ACYP2: variants seen among roughly 807,000 people sequenced by gnomAD.
ACYP2 encodes the protein acylphosphatase 2.
Under a neutral mutation model 11.2 loss-of-function variants are expected in ACYP2, and 12 were observed. That is an observed-to-expected ratio of 1.08 (90% confidence interval 0.69 to 1.74). The LOEUF is 1.74. Among genes scored for constraint, ACYP2 ranks in the 40% most tolerant of loss-of-function variants. The pLI is 0.00. For missense variants in ACYP2, 134 were observed against 101.9 expected (o/e 1.31, Z -1.35); for synonymous variants, 43 against 32.2 (o/e 1.33, Z -1.13).
intron 4 of ACYP2, among the ~76,000 whole-genome samples, chr2:54,064,380 G>A (rs1280311207): frequency 6.6e-6 from 1 of 152,200 alleles, no homozygotes; most frequent in South Asian, 2.1e-4. Flanking sequence ...GCCTTGGCAG[G>A]TGTGGCAGTG....
intron 6 of ACYP2, among the ~76,000 whole-genome samples, chr2:54,175,793 G>A (rs1025490025): frequency 2.6e-5 from 4 of 152,014 alleles, no homozygotes; most frequent in African/African-American, 7.2e-5. Flanking sequence ...CTGAACTTGC[G>A]CTGTACACAT....
intron 6 of ACYP2, among the ~76,000 whole-genome samples, chr2:54,286,877 T>G (rs1558669557): frequency 6.6e-6 from 1 of 152,026 alleles, no homozygotes; most frequent in South Asian, 2.1e-4. Context: ...TATCTAGAAT[T>G]TTTTAACTTT....
At chr2:53,995,026 G>A (rs144430060) in intron 2 of ACYP2, among the ~76,000 whole-genome samples, 14 of 151,714 alleles carry the variant, frequency 9.2e-5, no homozygotes, top group African/African-American at 2.4e-4. Context: ...CTGTTTTTGC[G>A]TCAGTGTCTC....
At chr2:54,005,822 TC>T (rs1673036429) in intron 2 of ACYP2, among the ~76,000 whole-genome samples, 1 of 152,238 alleles carries the variant, frequency 6.6e-6, no homozygotes, top group Non-Finnish European at 1.5e-5. Flanking sequence ...CTTTTGCCTT[TC>T]CATATAAACT....
intron 6 of ACYP2, among the ~76,000 whole-genome samples, chr2:54,276,992 T>C (rs538941088): frequency 6.6e-6 from 1 of 152,236 alleles, no homozygotes; most frequent in African/African-American, 2.4e-5. Flanking sequence ...TTAATGGCTA[T>C]TATTTCTATT....
chr2:53,982,850 G>T (rs1671839372), intron 2 of ACYP2, among the ~76,000 whole-genome samples: 1 of 150,960 alleles, frequency 6.6e-6, no homozygotes, highest in Admixed American at 6.6e-5. Context: ...GTGTGTGTGT[G>T]TGTGTGTGTG....
At chr2:54,102,174 G>C (rs922393271) in intron 4 of ACYP2, among the ~76,000 whole-genome samples, 1 of 152,136 alleles carries the variant, frequency 6.6e-6, no homozygotes, top group African/African-American at 2.4e-5. Context: ...CCAGCAGTGC[G>C]TGAGAGTCTG....
At chr2:54,005,907 C>G (rs533325379) in intron 2 of ACYP2, among the ~76,000 whole-genome samples, 26 of 152,270 alleles carry the variant, frequency 1.7e-4, no homozygotes, top group African/African-American at 6.0e-4. Context: ...ATCTATAGAT[C>G]AAGTTGGAAA....
intron 6 of ACYP2, chr2:54,254,168 C>G (rs1330126747): frequency 6.6e-6 from 1 of 152,200 alleles, no homozygotes; most frequent in Non-Finnish European, 1.5e-5. Context: ...AACCACCTGT[C>G]TAACAAACAG....
chr2:54,197,738 T>C (rs1684551735), intron 6 of ACYP2, among the ~76,000 whole-genome samples: 1 of 151,862 alleles, frequency 6.6e-6, no homozygotes, highest in Admixed American at 6.6e-5. Flanking sequence ...AGAAGGCTAG[T>C]GGGGTGGAAG....
chr2:53,986,193 T>C (rs1672027538), intron 2 of ACYP2, among the ~76,000 whole-genome samples: 1 of 152,052 alleles, frequency 6.6e-6, no homozygotes, highest in East Asian at 1.9e-4. Context: ...CCTCTTTCTG[T>C]TGCCTCCTCT....
chr2:54,006,488 C>T (rs529811842), intron 2 of ACYP2, among the ~76,000 whole-genome samples: 7 of 152,092 alleles, frequency 4.6e-5, no homozygotes, highest in Non-Finnish European at 1.0e-4. Flanking sequence ...TCTTGCTGTG[C>T]TGCCCAGAAC....
intron 6 of ACYP2, among the ~76,000 whole-genome samples, chr2:54,196,815 C>A (rs537405271): frequency 6.6e-6 from 1 of 152,200 alleles, no homozygotes; most frequent in Non-Finnish European, 1.5e-5. Flanking sequence ...GATAGCCCCA[C>A]ATTTATGTGA....
intron 6 of ACYP2, chr2:54,255,957 T>C: frequency 6.2e-7 from 1 of 1,614,070 alleles, no homozygotes; most frequent in Non-Finnish European, 8.5e-7. Context: ...GGCCACCATC[T>C]GCGGGATCCT....
At position 54,231,522 on chromosome 2, in the gene ACYP2, G is replaced by A. The variant is rs187672834; in HGVS notation, c.405-73166G>A. 2.7e-3 allele frequency among the ~76,000 whole-genome samples: 407 copies of A among 152,274 alleles called. 4 individuals are homozygous for A. Among genetic ancestry groups the A allele is most frequent in the Admixed American group, 0.024 (373 of 15,292 alleles). On this transcript the variant is annotated intron_variant, in intron 6 of 6. Coordinates refer to ENST00000607452, the MANE Select transcript of ACYP2 (RefSeq NM_001320586.2). ...GAGCACGGGCTCAGGTTGGGACCTGGTAAAAGCAGGCATCACCATTTAAGG... is the reference window on the plus strand; with the variant it reads ...GAGCACGGGCTCAGGTTGGGACCTGATAAAAGCAGGCATCACCATTTAAGG...
chr2:54,172,724 G>A lies in ACYP2; in HGVS notation c.404+33976G>A, dbSNP rs147163547. On this transcript the variant is annotated intron_variant, in intron 6 of 6. Coordinates refer to ENST00000607452, the MANE Select transcript of ACYP2 (RefSeq NM_001320586.2). ...CCACCACCCACTGACAGGCCCCTGTGTGTGATGTTCCCTGCCCTGTGTCCA... is the reference window on the plus strand; with the variant it reads ...CCACCACCCACTGACAGGCCCCTGTATGTGATGTTCCCTGCCCTGTGTCCA... Among the ~76,000 whole-genome samples the A allele has an allele frequency of 2.7e-3, 415 of 152,280 alleles. 1 individual carries two copies. The highest frequency in any genetic ancestry group is 9.5e-3 in the African/African-American group (394 of 41,542).
intron 2 of ACYP2, among the ~76,000 whole-genome samples, chr2:53,975,843 A>C (rs535650087): frequency 6.6e-6 from 1 of 152,132 alleles, no homozygotes; most frequent in African/African-American, 2.4e-5. Context: ...AACAAACAAA[A>C]AAAACAGGAT....
At chr2:54,085,117 A>G (rs942239552) in intron 4 of ACYP2, 1 of 152,240 alleles carries the variant, frequency 6.6e-6, no homozygotes, top group Non-Finnish European at 1.5e-5. Flanking sequence ...AAATGATGAG[A>G]AAAAAAATCA....
chr2:54,167,879 G>A (rs1683060984), intron 6 of ACYP2, among the ~76,000 whole-genome samples: 1 of 152,058 alleles, frequency 6.6e-6, no homozygotes, highest in Non-Finnish European at 1.5e-5. Flanking sequence ...TTTGAGTTTG[G>A]AATATTTTGA....
Sources: gnomAD v4.1 joint callset for allele counts (sites outside exome capture counted in the v4.1 genomes callset) on GRCh38, gnomAD v4.1.1 for gene constraint, MANE v1.5 for transcripts, NCBI Gene and HGNC (gene_info 2026-07-23, HGNC 2026-07-21) for gene names.